TGFA: variants seen among roughly 807,000 people sequenced by gnomAD.
TGFA encodes the protein protransforming growth factor alpha.
A neutral mutation model predicts 21.7 loss-of-function variants in TGFA; 12 were observed. The observed-to-expected ratio is 0.55, with a 90% confidence interval of 0.35 to 0.90. The LOEUF (loss-of-function observed/expected upper bound fraction) is 0.90. Ranked by LOEUF, TGFA falls within the 40% of genes least tolerant of loss-of-function variation. The pLI is 0.01. For synonymous variants in TGFA, 79 were observed against 88.1 expected, an observed-to-expected ratio of 0.90 and a Z score of 0.58; for missense variants, 178 against 210.8, an observed-to-expected ratio of 0.84 and a Z score of 0.96.
At chr2:70,458,388 T>C (rs1348797440) in intron 3 of TGFA, among the ~76,000 whole-genome samples, 1 of 152,020 alleles carries the variant, frequency 6.6e-6, no homozygotes, top group Non-Finnish European at 1.5e-5. Flanking sequence ...AATCGTGCAC[T>C]TCCTCTGTGA....
At chr2:70,530,198 G>C (rs1042418493) in intron 1 of TGFA, among the ~76,000 whole-genome samples, 2 of 152,222 alleles carry the variant, frequency 1.3e-5, no homozygotes, top group African/African-American at 2.4e-5. Context: ...CCATTAGCAG[G>C]CTCAACTCCT....
At chr2:70,520,772 G>T (rs1258065056) in intron 1 of TGFA, among the ~76,000 whole-genome samples, 1 of 151,974 alleles carries the variant, frequency 6.6e-6, no homozygotes, top group Non-Finnish European at 1.5e-5. Context: ...TCCCATAGAT[G>T]CTTCCCCTGC....
chr2:70,528,465 G>C (rs1672708381), intron 1 of TGFA, among the ~76,000 whole-genome samples: 1 of 150,566 alleles, frequency 6.6e-6, no homozygotes, highest in African/African-American at 2.5e-5. Flanking sequence ...TGTGGAAAGA[G>C]GCATGGAAAA....
intron 2 of TGFA, among the ~76,000 whole-genome samples, chr2:70,475,938 A>C (rs1227953334): frequency 4.6e-5 from 7 of 152,100 alleles, no homozygotes; most frequent in African/African-American, 1.7e-4. Flanking sequence ...ATGGATTAAA[A>C]TGCAATGGAA....
intron 1 of TGFA, among the ~76,000 whole-genome samples, chr2:70,526,173 T>A (rs1384234491): frequency 1.3e-5 from 2 of 152,334 alleles, no homozygotes; most frequent in Non-Finnish European, 2.9e-5. Context: ...TCCTGTCAGC[T>A]CTTCCCTCTA....
At chr2:70,534,027 G>T (rs1672899465) in intron 1 of TGFA, among the ~76,000 whole-genome samples, 2 of 152,098 alleles carry the variant, frequency 1.3e-5, no homozygotes, top group Non-Finnish European at 2.9e-5. Flanking sequence ...TGCACACACT[G>T]TGGCCCTGCT....
At chr2:70,492,982 A>T (rs1372490993) in intron 2 of TGFA, among the ~76,000 whole-genome samples, 1 of 152,182 alleles carries the variant, frequency 6.6e-6, no homozygotes, top group Non-Finnish European at 1.5e-5. Context: ...TAAAAATTTT[A>T]AAATGTAGCC....
intron 1 of TGFA, among the ~76,000 whole-genome samples, chr2:70,542,147 A>C (rs1475402456): frequency 2.6e-5 from 4 of 152,242 alleles, no homozygotes; most frequent in Non-Finnish European, 4.4e-5. Flanking sequence ...CAACCCCCCC[A>C]AAAAATATAT....
chr2:70,523,190 A>C (rs1672530105), intron 1 of TGFA, among the ~76,000 whole-genome samples: 1 of 152,100 alleles, frequency 6.6e-6, no homozygotes, highest in African/African-American at 2.4e-5. Flanking sequence ...TTATTTTCCT[A>C]CCCTTAACTC....
At chr2:70,476,980 C>A (rs147979780) in intron 2 of TGFA, among the ~76,000 whole-genome samples, 1 of 151,852 alleles carries the variant, frequency 6.6e-6, no homozygotes, top group African/African-American at 2.4e-5. Context: ...TCGAATTATA[C>A]GCAATTATTT....
At chr2:70,515,036 C>G in intron 1 of TGFA, 124 bp from the exon 2 acceptor site, 1 of 777,240 alleles carries the variant, frequency 1.3e-6, no homozygotes. Flanking sequence ...GGCCGGTAGA[C>G]AGGCTCAGCT....
rs1238505781 is a variant in TGFA, at chr2:70,449,196, T to A, written c.*1663A>T. On this transcript the variant is annotated 3_prime_UTR_variant, in exon 6 of 6. Coordinates refer to ENST00000295400, the MANE Select transcript of TGFA (RefSeq NM_003236.4). ...GAATTGTCTGAATTATAAAAAAAAA[T>A]AAAGAGAAAATTCATAGAAATTGTT... 6.7e-6 allele frequency: 1 copy of A among 149,534 alleles called. No individual in the cohort carries two copies. The highest frequency in any genetic ancestry group is 1.5e-5 in the Non-Finnish European group (1 of 67,042). The allele number at this position is 149,534 out of a possible 1,614,324, so 9.3% of individuals were successfully genotyped here.
At chr2:70,490,222 A>T (rs1553497349) in intron 2 of TGFA, among the ~76,000 whole-genome samples, 2 of 152,246 alleles carry the variant, frequency 1.3e-5, no homozygotes, top group Non-Finnish European at 1.5e-5. Flanking sequence ...TTGAACATAT[A>T]ACCACCAATC....
At chr2:70,479,059 A>G (rs1671026749) in intron 2 of TGFA, among the ~76,000 whole-genome samples, 2 of 152,198 alleles carry the variant, frequency 1.3e-5, no homozygotes, top group Admixed American at 6.5e-5. Flanking sequence ...TATATATAAA[A>G]CTTATATTTC....
At chr2:70,525,717 T>A (rs1553502890) in intron 1 of TGFA, among the ~76,000 whole-genome samples, 1 of 152,070 alleles carries the variant, frequency 6.6e-6, no homozygotes, top group South Asian at 2.1e-4. Context: ...GTACTCAGAT[T>A]TACTCCCTTT....
chr2:70,471,107 G>GCC (rs1290386793), intron 2 of TGFA, among the ~76,000 whole-genome samples: 2 of 117,952 alleles, frequency 1.7e-5, no homozygotes, highest in African/African-American at 7.4e-5. Context: ...TCTCCTCCCC[G>GCC]CACCCCCCCC....
At chr2:70,490,020 A>T (rs545136001) in intron 2 of TGFA, among the ~76,000 whole-genome samples, 46 of 152,208 alleles carry the variant, frequency 3.0e-4, no homozygotes, top group Non-Finnish European at 6.5e-4. Flanking sequence ...TTTAATTGTT[A>T]TGGGGTGCAG....
At position 70,532,310 on chromosome 2, in the gene TGFA, A is replaced by T. The variant is rs371566241; in HGVS notation, c.41-17398T>A. Reference sequence around the variant, plus strand: ...TTTGTTCTTGCTTTCTAATTATCTTATTGGGAACCTAAACATGAGTTTTCC... The same window carrying T: ...TTTGTTCTTGCTTTCTAATTATCTTTTTGGGAACCTAAACATGAGTTTTCC... On this transcript the variant is annotated intron_variant, in intron 1 of 5. Coordinates refer to ENST00000295400, the MANE Select transcript of TGFA (RefSeq NM_003236.4). Among the ~76,000 whole-genome samples, 170 of 152,310 alleles carry T rather than the reference A, an allele frequency of 1.1e-3. 8 individuals are homozygous for T. The South Asian group carries it at 0.034, about 30-fold the overall frequency.
chr2:70,553,316 A>G, intron 1 of TGFA: 2 of 1,510,922 alleles, frequency 1.3e-6, no homozygotes, highest in Non-Finnish European at 1.8e-6. Context: ...CCAGAGGGTT[A>G]GACGCCGGCC....
Sources: gnomAD v4.1 joint callset for allele counts (sites outside exome capture counted in the v4.1 genomes callset) on GRCh38, gnomAD v4.1.1 for gene constraint, MANE v1.5 for transcripts, NCBI Gene and HGNC (gene_info 2026-07-23, HGNC 2026-07-21) for gene names.